Variants in CDH22 observed in about 807,000 individuals in gnomAD.
CDH22 encodes cadherin-22.
CDH22 carries 30 observed loss-of-function variants against 58.4 expected under a neutral mutation model. The ratio of observed to expected loss-of-function variants is 0.51; its 90% CI spans 0.38 to 0.70. The LOEUF (loss-of-function observed/expected upper bound fraction) is 0.70, where lower values mean the gene tolerates loss of function less well. Among genes scored for constraint, CDH22 ranks in the 30% least tolerant of loss-of-function variants. CDH22 has a pLI of 0.00. For missense variants in CDH22, 1,014 were observed against 1,233.9 expected (o/e 0.82, Z 2.67); for synonymous variants, 513 against 558.2 (o/e 0.92, Z 1.14).
At chr20:46,304,031 GA>G (rs2086664073) in intron 1 of CDH22, among the ~76,000 whole-genome samples, 1 of 152,166 alleles carries the variant, frequency 6.6e-6, no homozygotes, top group African/African-American at 2.4e-5. Flanking sequence ...AAAAGGTAGA[GA>G]TTAGGATGAA....
At chr20:46,283,726 A>G (rs1009795910) in intron 1 of CDH22, among the ~76,000 whole-genome samples, 2 of 103,048 alleles carry the variant, frequency 1.9e-5, no homozygotes, top group Admixed American at 1.3e-4. Flanking sequence ...CCCCACCGCC[A>G]TCACCAAAGA....
intron 4 of CDH22, among the ~76,000 whole-genome samples, chr20:46,223,755 T>G (rs909861492): frequency 2.7e-5 from 4 of 148,410 alleles, no homozygotes; most frequent in Non-Finnish European, 6.0e-5. Context: ...TTCCTCTTTC[T>G]TTTTCTTTCT....
intron 4 of CDH22, 118 bp from the exon 5 acceptor site, chr20:46,217,111 A>T: frequency 1.1e-6 from 1 of 940,932 alleles, no homozygotes; most frequent in Non-Finnish European, 1.6e-6. Flanking sequence ...GCTCAGGAGG[A>T]GAGTGGGCCA....
intron 10 of CDH22, among the ~76,000 whole-genome samples, chr20:46,180,084 C>T (rs962274055): frequency 1.1e-4 from 16 of 152,232 alleles, no homozygotes; most frequent in Non-Finnish European, 5.9e-5. Context: ...AGTTCTGTTA[C>T]AGCACTTGTC....
chr20:46,248,270 C>T (rs967678979), intron 2 of CDH22, among the ~76,000 whole-genome samples: 1 of 152,196 alleles, frequency 6.6e-6, no homozygotes, highest in Non-Finnish European at 1.5e-5. Context: ...AGGCGTGAGT[C>T]AGCAGCCGGT....
rs1030591597 is a variant in CDH22, at chr20:46,216,523, G to A, written c.838+303C>T. Among the ~76,000 whole-genome samples the A allele has an allele frequency of 3.3e-5, 5 of 152,286 alleles. No homozygotes were observed. Among genetic ancestry groups the A allele is most frequent in the South Asian group, 2.1e-4 (1 of 4,828 alleles). On this transcript the variant is annotated intron_variant, in intron 5 of 11. Coordinates refer to ENST00000537909, the MANE Select transcript of CDH22 (RefSeq NM_021248.3). This position sits in a 1 kb window ranked among gnomAD's most constrained non-coding sequence, Gnocchi z 5.3. ...GCCAGTGAGGGGTTGGAGGATGGAC[G>A]GAAGGGTGGATGGGTGGGGCTCCCC...
chr20:46,272,853 T>C (rs770492000), intron 1 of CDH22, among the ~76,000 whole-genome samples: 9 of 152,250 alleles, frequency 5.9e-5, no homozygotes, highest in Non-Finnish European at 8.8e-5. Context: ...TGGTTATCTT[T>C]GACTGCATGT....
chr20:46,308,275 T>A lies in CDH22; in HGVS notation c.-420A>T, dbSNP rs953317948. On this transcript the variant is annotated 5_prime_UTR_variant, in exon 1 of 12. Transcript: ENST00000537909. This position sits in a 1 kb window ranked among gnomAD's most constrained non-coding sequence, Gnocchi z 4.3. ...CTTACCTCGGGGAGCGGCCCGGGGC[T>A]CCCCCTAGTCCTGCCGCCTCGGGAC... 1.9e-5 allele frequency: 3 copies of A among 156,546 alleles called. No individual in the cohort carries two copies. The highest frequency in any genetic ancestry group is 7.4e-5 in the African/African-American group (3 of 40,690). 9.7% of individuals were successfully genotyped at this position (156,546 alleles called of 1,614,324 possible).
rs1186816830 is a variant in CDH22 at position 46,227,553 on chromosome 20, T to C, written c.625A>G (p.Ser209Gly). The change falls in exon 4 of 12, where the codon AGC becomes GGC. Residue 209 changes from serine (S) to glycine (G), a missense_variant. Around this residue, in one of 2 missense-constraint regions of CDH22, gnomAD observed 806 missense variants for 1,038.7 expected, o/e 0.78. Transcript: ENST00000537909. ...TYGSSARLVY[S>G]VLDGEHHFTV... ...AAGTGGTGCTCGCCGTCCAGCACGC[T>C]GTACACCAGCCGAGCGCTGCTGCCG... 1 of 1,607,208 alleles carries C rather than the reference T, an allele frequency of 6.2e-7. No individual in the cohort carries two copies.
intron 1 of CDH22, among the ~76,000 whole-genome samples, chr20:46,267,881 G>C (rs938722868): frequency 6.6e-6 from 1 of 152,256 alleles, no homozygotes; most frequent in Non-Finnish European, 1.5e-5. Flanking sequence ...TTCACTGGGG[G>C]AGAGTTCTCA....
At chr20:46,221,326 C>T (rs1345061565) in intron 4 of CDH22, among the ~76,000 whole-genome samples, 3 of 146,722 alleles carry the variant, frequency 2.0e-5, no homozygotes, top group East Asian at 4.1e-4. Flanking sequence ...ATAGAGAAAT[C>T]CAGTTGGCTG....
At chr20:46,282,380 A>C (rs1194991918) in intron 1 of CDH22, among the ~76,000 whole-genome samples, 1 of 152,250 alleles carries the variant, frequency 6.6e-6, no homozygotes, top group Non-Finnish European at 1.5e-5. Context: ...AGAGAGCAGG[A>C]AGGAGTCTCG....
At chr20:46,270,452 G>A (rs925319123) in intron 1 of CDH22, among the ~76,000 whole-genome samples, 4 of 152,108 alleles carry the variant, frequency 2.6e-5, no homozygotes, top group African/African-American at 7.2e-5. Context: ...CCTGACAAGC[G>A]ATAGAGCTGG....
chr20:46,243,295 T>C (rs921319992), intron 2 of CDH22, among the ~76,000 whole-genome samples: 6 of 152,222 alleles, frequency 3.9e-5, no homozygotes, highest in East Asian at 1.9e-4. Flanking sequence ...ATTTGGAAGA[T>C]TGAATGGCCC....
chr20:46,277,733 C>T (rs933582326), intron 1 of CDH22, among the ~76,000 whole-genome samples: 3 of 151,896 alleles, frequency 2.0e-5, no homozygotes, highest in East Asian at 3.9e-4. Flanking sequence ...AGGATCAGGG[C>T]GTCCTCAGTG....
chr20:46,230,014 G>A (rs933003729), intron 3 of CDH22, among the ~76,000 whole-genome samples: 18 of 152,056 alleles, frequency 1.2e-4, no homozygotes, highest in African/African-American at 3.4e-4. Context: ...AGTTAATGCC[G>A]ACATGTGGGA....
intron 6 of CDH22, 45 bp downstream of exon 6, chr20:46,212,950 C>A: frequency 6.5e-7 from 1 of 1,548,990 alleles, no homozygotes; most frequent in South Asian, 1.1e-5. Flanking sequence ...CTGATCCTCC[C>A]ACCCCTGAGG....
chr20:46,227,489 G>A lies in CDH22; in HGVS notation c.670+19C>T. On this transcript the variant is annotated intron_variant, in intron 4 of 11. Coordinates refer to ENST00000537909, the MANE Select transcript of CDH22 (RefSeq NM_021248.3). ...GCCCCGCCCCACGGCTCCGCCTCTG[G>A]CCCCGCCCTGCCCCTCACCGGTCTT... 6.4e-7 allele frequency: 1 copy of A among 1,567,696 alleles called. No individual in the cohort carries two copies. The highest frequency in any genetic ancestry group is 8.6e-7 in the Non-Finnish European group (1 of 1,161,018).
intron 1 of CDH22, among the ~76,000 whole-genome samples, chr20:46,284,122 T>TGGGCCGGGCGCG (rs2086563898): frequency 6.6e-6 from 1 of 151,994 alleles, no homozygotes; most frequent in African/African-American, 2.4e-5. Context: ...AAATGGATTT[T>TGGGCCGGGCGCG]GTAGTGACAA....
Sources: allele counts gnomAD v4.1 joint callset (sites outside exome capture counted in the v4.1 genomes callset), GRCh38; gene constraint gnomAD v4.1.1; regional missense constraint gnomAD v4.1.1; non-coding constraint Gnocchi (gnomAD v3.1); transcripts MANE v1.5; gene names NCBI Gene and HGNC (gene_info 2026-07-23, HGNC 2026-07-21).